SRPK2: variants seen among roughly 807,000 people sequenced by gnomAD.
SRPK2 encodes SRSF protein kinase 2, also known as SFRS protein kinase 2.
SRPK2 carries 21 observed loss-of-function variants against 90.8 expected under a neutral mutation model. The observed-to-expected ratio is 0.23, with a 90% CI of 0.16 to 0.33. The LOEUF (loss-of-function observed/expected upper bound fraction) is 0.33. Among genes scored for constraint, SRPK2 ranks in the 10% least tolerant of loss-of-function variants. The probability of loss-of-function intolerance (pLI) is 1.00; values close to 1 mark genes in which losing one functional copy is unlikely to be tolerated. For synonymous variants in SRPK2, 288 were observed against 311.1 expected (o/e 0.93, Z 0.78); for missense variants, 620 against 869.0 (o/e 0.71, Z 3.60).
intron 5 of SRPK2, 129 bp from the exon 6 acceptor site, chr7:105,167,593 A>G (rs1486871252): frequency 1.2e-5 from 6 of 512,352 alleles, no homozygotes; most frequent in Non-Finnish European, 2.0e-5. Flanking sequence ...GTTATAAAAA[A>G]TAAACTTTAT....
intron 6 of SRPK2, among the ~76,000 whole-genome samples, chr7:105,166,254 A>G (rs971550083): frequency 2.6e-5 from 4 of 152,244 alleles, no homozygotes; most frequent in Admixed American, 2.0e-4. Context: ...AAAGTAAGTG[A>G]ATACAGACTT....
chr7:105,315,739 T>C (rs1035054292), intron 2 of SRPK2, among the ~76,000 whole-genome samples: 2 of 152,204 alleles, frequency 1.3e-5, no homozygotes, highest in African/African-American at 2.4e-5. Flanking sequence ...TGTGTTCTCA[T>C]TCCTTTGGCA....
intron 3 of SRPK2, among the ~76,000 whole-genome samples, chr7:105,202,238 G>A (rs935602855): frequency 2.6e-5 from 4 of 152,116 alleles, no homozygotes; most frequent in Non-Finnish European, 5.9e-5. Context: ...GTAATTAAAT[G>A]TACACTGTTT....
At chr7:105,240,756 C>T (rs1800703369) in intron 2 of SRPK2, among the ~76,000 whole-genome samples, 2 of 152,104 alleles carry the variant, frequency 1.3e-5, no homozygotes, top group South Asian at 4.2e-4. Context: ...CAACTTTTAC[C>T]ATCAATTTTT....
At chr7:105,225,631 C>T (rs1254457743) in intron 2 of SRPK2, among the ~76,000 whole-genome samples, 2 of 152,138 alleles carry the variant, frequency 1.3e-5, no homozygotes, top group Non-Finnish European at 2.9e-5. Flanking sequence ...ATTGCAATTA[C>T]AGACACAGAG....
intron 2 of SRPK2, among the ~76,000 whole-genome samples, chr7:105,204,161 C>T (rs1433197931): frequency 6.6e-6 from 1 of 152,136 alleles, no homozygotes; most frequent in Non-Finnish European, 1.5e-5. Flanking sequence ...GAAAACATCA[C>T]AACGATTATA....
At chr7:105,254,672 TTTTG>T (rs1563151570) in intron 2 of SRPK2, among the ~76,000 whole-genome samples, 3 of 151,470 alleles carry the variant, frequency 2.0e-5, no homozygotes, top group African/African-American at 7.3e-5. Context: ...CTTGTTTTTT[TTTTG>T]TTGTTGTTGT....
At chr7:105,253,957 G>T (rs1051183022) in intron 2 of SRPK2, among the ~76,000 whole-genome samples, 19 of 151,958 alleles carry the variant, frequency 1.3e-4, no homozygotes, top group African/African-American at 4.6e-4. Flanking sequence ...TTTGTCACCT[G>T]TTTAGAGTGA....
intron 2 of SRPK2, among the ~76,000 whole-genome samples, chr7:105,377,192 G>A (rs76740650): frequency 7.9e-5 from 12 of 151,778 alleles, no homozygotes; most frequent in Admixed American, 7.9e-4. Context: ...CTTTCTCCTG[G>A]GTCTCCCATC....
chr7:105,224,381 G>A (rs1343238161), intron 2 of SRPK2, among the ~76,000 whole-genome samples: 5 of 151,974 alleles, frequency 3.3e-5, no homozygotes, highest in African/African-American at 4.8e-5. Context: ...ACTCTGAGGC[G>A]GGCAGATCAC....
intron 11 of SRPK2, among the ~76,000 whole-genome samples, chr7:105,133,393 C>A (rs1802316883): frequency 6.6e-6 from 1 of 152,208 alleles, no homozygotes; most frequent in African/African-American, 2.4e-5. Context: ...CTAGAACAAG[C>A]CAGCCTTGCT....
intron 2 of SRPK2, among the ~76,000 whole-genome samples, chr7:105,284,900 A>G (rs978457947): frequency 6.6e-6 from 1 of 152,228 alleles, no homozygotes; most frequent in African/African-American, 2.4e-5. Context: ...CATAGGCACC[A>G]ACTAAAAATC....
At chr7:105,122,787 T>C (rs1185458847) in intron 15 of SRPK2, among the ~76,000 whole-genome samples, 1 of 152,066 alleles carries the variant, frequency 6.6e-6, no homozygotes, top group African/African-American at 2.4e-5. Context: ...AGGTCTGTAG[T>C]CTGACACACA....
At chr7:105,240,796 AATTT>A (rs1371316495) in intron 2 of SRPK2, among the ~76,000 whole-genome samples, 2 of 152,166 alleles carry the variant, frequency 1.3e-5, no homozygotes, top group Non-Finnish European at 2.9e-5. Context: ...AAATATGCTC[AATTT>A]ATTATGGGCC....
At chr7:105,269,026 G>A (rs1805478246) in intron 2 of SRPK2, 4 of 1,322,234 alleles carry the variant, frequency 3.0e-6, no homozygotes, top group Non-Finnish European at 3.9e-6. Flanking sequence ...TGCTATAAAG[G>A]GAAAAAGCTC....
chr7:105,318,138 A>G (rs1812514680), intron 2 of SRPK2, among the ~76,000 whole-genome samples: 1 of 152,196 alleles, frequency 6.6e-6, no homozygotes. Context: ...TCTGTCACCC[A>G]GGCTTGAATG....
rs190308126 is a variant in SRPK2, at chr7:105,252,966, C to T, written c.72-49181G>A. Among the ~76,000 whole-genome samples the T allele has an allele frequency of 6.8e-3, 1,034 of 152,260 alleles. 8 individuals are homozygous for T. Among genetic ancestry groups the T allele is most frequent in the Non-Finnish European group, 0.012 (791 of 68,004 alleles). On this transcript the variant is annotated intron_variant, in intron 2 of 15. Coordinates refer to ENST00000393651, the MANE Select transcript of SRPK2 (RefSeq NM_182692.3). ...TCATGTTGGCCAGGCTGGTCTCAAA[C>T]TCCTGACCTCAGGGGATCTGCCCGC...
intron 2 of SRPK2, among the ~76,000 whole-genome samples, chr7:105,372,041 A>C (rs536893035): frequency 6.6e-6 from 1 of 150,812 alleles, no homozygotes; most frequent in Non-Finnish European, 1.5e-5. Flanking sequence ...AGGCTGAGGC[A>C]GGAGAATGGC....
intron 2 of SRPK2, among the ~76,000 whole-genome samples, chr7:105,278,532 A>C (rs112438308): frequency 6.6e-6 from 1 of 151,096 alleles, no homozygotes; most frequent in East Asian, 2.0e-4. Flanking sequence ...AAAAAAAAAA[A>C]AAAAATAGCC....
Sources: allele counts gnomAD v4.1 joint callset (sites outside exome capture counted in the v4.1 genomes callset), GRCh38; gene constraint gnomAD v4.1.1; transcripts MANE v1.5; gene names NCBI Gene and HGNC (gene_info 2026-07-23, HGNC 2026-07-21).